Variants in SOX8 observed in about 807,000 individuals in gnomAD.
SOX8 encodes the protein transcription factor SOX-8.
SOX8 carries 9 observed loss-of-function variants against 22.9 expected under a neutral mutation model. The ratio of observed to expected loss-of-function variants is 0.39; its 90% CI spans 0.24 to 0.69. The LOEUF (loss-of-function observed/expected upper bound fraction) is 0.69, where lower values mean the gene tolerates loss of function less well. SOX8 is among the 30% of genes least tolerant of loss of function. The pLI, the probability that SOX8 is intolerant of heterozygous loss-of-function variation, is 0.43. For missense variants in SOX8, 734 were observed against 699.4 expected, an observed-to-expected ratio of 1.05 and a Z score of -0.56; for synonymous variants, 416 against 330.6, an observed-to-expected ratio of 1.26 and a Z score of -2.80.
intron 1 of SOX8, chr16:983,433 G>A (rs1048019294): frequency 1.8e-5 from 5 of 274,452 alleles, no homozygotes; most frequent in Non-Finnish European, 2.7e-5. Context: ...GCCCCAGAGG[G>A]AGGGAACAGC....
chr16:982,409 C>CG (rs2073403904), intron 1 of SOX8, 65 bp downstream of exon 1: 4 of 1,283,826 alleles, frequency 3.1e-6, no homozygotes, highest in Middle Eastern at 3.0e-4. Context: ...GGACTGCGAG[C>CG]GGGGGCCTGG....
intron 1 of SOX8, 165 bp downstream of exon 1, chr16:982,509 C>T (rs2073406261): frequency 1.4e-6 from 1 of 735,034 alleles, no homozygotes; most frequent in African/African-American, 1.8e-5. Context: ...AGTGGAAAAA[C>T]ATCCTCTGGC....
chr16:985,492 C>G lies in SOX8; in HGVS notation c.*106C>G. 1.1e-6 allele frequency: 1 copy of G among 930,748 alleles called. No homozygotes were observed. The highest frequency in any genetic ancestry group is 1.9e-5 in the South Asian group (1 of 53,658). 57.7% of individuals were successfully genotyped at this position (930,748 alleles called of 1,614,324 possible). On this transcript the variant is annotated 3_prime_UTR_variant, in exon 3 of 3. Transcript: ENST00000293894. Reference sequence around the variant, plus strand: ...GGCCCCAGTGGCTGAGCTCCAAGTGCCTGCTGAAGTCTGCAGGGAAACACG... The same window carrying G: ...GGCCCCAGTGGCTGAGCTCCAAGTGGCTGCTGAAGTCTGCAGGGAAACACG...
chr16:985,734 G>C lies in SOX8; in HGVS notation c.*348G>C. The C allele has an allele frequency of 4.0e-6, 1 of 252,336 alleles. No individual in the cohort carries two copies. The highest frequency in any genetic ancestry group is 7.5e-6 in the Non-Finnish European group (1 of 133,274). 15.6% of individuals were successfully genotyped at this position (252,336 alleles called of 1,614,324 possible). Reference sequence around the variant, plus strand: ...CAGCACAGCCCAAGGACCAAAGGAGGGGGTGGCAGGGGCCTTGCAGGGCGC... The same window carrying C: ...CAGCACAGCCCAAGGACCAAAGGAGCGGGTGGCAGGGGCCTTGCAGGGCGC... On this transcript the variant is annotated 3_prime_UTR_variant, in exon 3 of 3. Coordinates refer to ENST00000293894, the MANE Select transcript of SOX8 (RefSeq NM_014587.5).
Position 985,185 on chromosome 16 carries a change from G to A in SOX8, c.1140G>A (p.Gln380=). The change falls in exon 3 of 3, where the codon CAG becomes CAA. Residue 380 remains glutamine, a synonymous_variant. Coordinates refer to ENST00000293894, the MANE Select transcript of SOX8 (RefSeq NM_014587.5). ...CCGCCGGCCCCTTCGCCGGCTCACA[G>A]GGCGACTATGGCGACCTGCAGGCCT... ...AAPAGPFAGS[Q]GDYGDLQASS... is the part of the protein sequence containing the mutation. 6.2e-7 allele frequency: 1 copy of A among 1,611,114 alleles called. No homozygotes were observed. The highest frequency in any genetic ancestry group is 1.7e-4 in the Middle Eastern group (1 of 6,056).
chr16:986,426 A>G lies in SOX8; in HGVS notation c.*1040A>G, dbSNP rs2151523254. The G allele has an allele frequency of 6.6e-6, 1 of 152,368 alleles. No individual in the cohort carries two copies. Among genetic ancestry groups the G allele is most frequent in the Non-Finnish European group, 1.5e-5 (1 of 68,048 alleles). The allele number at this position is 152,368 out of a possible 1,614,324, so 9.4% of individuals were successfully genotyped here. On this transcript the variant is annotated 3_prime_UTR_variant, in exon 3 of 3. Coordinates refer to ENST00000293894, the MANE Select transcript of SOX8 (RefSeq NM_014587.5). ...GACTGTGCCACGTGGTAGGACACAT[A>G]GGACACAGGAATTCCTGGGTCCTTG...
Position 982,374 on chromosome 16 carries a change from CG to C in SOX8, c.422+33del, listed in dbSNP as rs1270319272. The C allele has an allele frequency of 1.4e-5, 19 of 1,319,560 alleles. No individual in the cohort carries two copies. In the East Asian group the frequency reaches 5.5e-4, roughly 38 times the overall value. 81.7% of individuals were successfully genotyped at this position (1,319,560 alleles called of 1,614,324 possible). On this transcript the variant is annotated intron_variant, in intron 1 of 2. Transcript: ENST00000293894. ...GTGCCGGCGCCCCGGGGGCGGGGTTCGGGACCTTGGCCGCCCCTGGTCTCGG... is the reference window on the plus strand; with the variant it reads ...GTGCCGGCGCCCCGGGGGCGGGGTTCGGACCTTGGCCGCCCCTGGTCTCGG...
chr16:982,094 G>A lies in SOX8; in HGVS notation c.172G>A (p.Glu58Lys). 7.6e-7 allele frequency: 1 copy of A among 1,317,308 alleles called. No homozygotes were observed. The highest frequency in any genetic ancestry group is 2.8e-4 in the Middle Eastern group (1 of 3,558). The allele number at this position is 1,317,308 out of a possible 1,614,324, so 81.6% of individuals were successfully genotyped here. ...AVGGARGDPA[E>K]AADERFPACI... Reference sequence around the variant, plus strand: ...GGGGGGCGCCCGGGGCGACCCGGCGGAGGCGGCGGACGAGCGCTTCCCGGC... The same window carrying A: ...GGGGGGCGCCCGGGGCGACCCGGCGAAGGCGGCGGACGAGCGCTTCCCGGC... The change falls in exon 1 of 3, where the codon GAG (glutamate) becomes AAG (lysine). Residue 58 changes from glutamate to lysine, a missense_variant. This residue lies in a region of SOX8 where 139 missense variants were observed against 109.1 expected (regional missense o/e 1.27). Coordinates refer to ENST00000293894, the MANE Select transcript of SOX8 (RefSeq NM_014587.5).
rs199719055 is a variant in SOX8, at chr16:985,120, G to A, written c.1075G>A (p.Gly359Ser). 1,102 of 1,598,498 alleles carry A rather than the reference G, an allele frequency of 6.9e-4. No individual in the cohort carries two copies. The highest frequency in any genetic ancestry group is 7.9e-4 in the Non-Finnish European group (930 of 1,175,836). The change falls in exon 3 of 3, where the codon GGT (glycine) becomes AGT (serine). Residue 359 changes from glycine to serine, a missense_variant. This residue lies in a region of SOX8 where 588 missense variants were observed against 568.2 expected (regional missense o/e 1.03). Transcript: ENST00000293894. ...CCAGCCCCGAGGCTCGCCCGACTAC[G>A]GTTCCTGCAGCGGCCAGTCCAGCGC... ...GDQPRGSPDY[G>S]SCSGQSSATP...
chr16:983,213 G>A (rs1234958046), intron 1 of SOX8: 1 of 152,612 alleles, frequency 6.6e-6, no homozygotes, highest in Non-Finnish European at 1.5e-5. Context: ...CCGCACAGGC[G>A]GTTGGAGGTG....
Position 985,245 on chromosome 16 carries a change from C to A in SOX8, c.1200C>A (p.Pro400=), listed in dbSNP as rs112081163. 6.2e-7 allele frequency: 1 copy of A among 1,612,022 alleles called. No individual in the cohort carries two copies. The highest frequency in any genetic ancestry group is 1.3e-5 in the African/African-American group (1 of 74,920). ...SYYGAYPGYA[P]GLYQYPCFHS... is the part of the protein sequence containing the mutation. Reference sequence around the variant, plus strand: ...ATGGTGCCTACCCTGGCTACGCACCCGGCCTCTACCAGTACCCCTGCTTCC... The same window carrying A: ...ATGGTGCCTACCCTGGCTACGCACCAGGCCTCTACCAGTACCCCTGCTTCC... Residue 400 remains proline (P), a synonymous_variant, in exon 3 of 3, where the codon CCC becomes CCA. Transcript: ENST00000293894.
chr16:982,327 G>C lies in SOX8; in HGVS notation c.405G>C (p.Thr135=), dbSNP rs757951853. The C allele has an allele frequency of 7.2e-7, 1 of 1,396,204 alleles. No homozygotes were observed. Among genetic ancestry groups the C allele is most frequent in the Admixed American group, 2.8e-5 (1 of 35,382 alleles). The allele number at this position is 1,396,204 out of a possible 1,614,324, so 86.5% of individuals were successfully genotyped here. A position where few individuals can be genotyped will look rare whatever the true frequency, so the allele number is the denominator to read the frequency against. ...TGCACAACGCCGAGCTCAGCAAGAC[G>C]CTGGGCAAGCTGTGGCGGTGAGTGC... is the stretch of plus-strand genomic sequence containing the variant. ...PHLHNAELSK[T]LGKLWRLLSE... is the part of the protein sequence containing the mutation. The change falls in exon 1 of 3, where the codon ACG becomes ACC. Residue 135 remains threonine, a synonymous_variant. Transcript: ENST00000293894.
chr16:983,646 T>A (rs774286877), intron 1 of SOX8, 82 bp from the exon 2 acceptor site: 22 of 1,342,982 alleles, frequency 1.6e-5, no homozygotes, highest in Admixed American at 2.2e-5. Flanking sequence ...CGGCCTCTGC[T>A]GCCGGTTCCC....
chr16:984,789 A>ACGC lies in SOX8; in HGVS notation c.747_749dup (p.Arg250dup). 6.5e-7 allele frequency: 1 copy of ACGC among 1,543,172 alleles called. No individual in the cohort carries two copies. Among genetic ancestry groups the ACGC allele is most frequent in the Non-Finnish European group, 8.8e-7 (1 of 1,140,292 alleles). On this transcript the variant is annotated inframe_insertion, in exon 3 of 3. Coordinates refer to ENST00000293894, the MANE Select transcript of SOX8 (RefSeq NM_014587.5). ...CCAAGCCGGAGCTGAAGCTGGAGGGACGCCGGCCGGTGGACAGCGGGCGCC... is the reference window on the plus strand; with the variant it reads ...CCAAGCCGGAGCTGAAGCTGGAGGGACGCCGCCGGCCGGTGGACAGCGGGCGCC...
chr16:983,692 C>T (rs775447276), intron 1 of SOX8, 36 bp from the exon 2 acceptor site: 3 of 1,581,372 alleles, frequency 1.9e-6, no homozygotes, highest in South Asian at 2.3e-5. Flanking sequence ...GCACAGTGGG[C>T]GCCCTGGCCA....
At chr16:982,948 G>C (rs996321407) in intron 1 of SOX8, 5 of 152,442 alleles carry the variant, frequency 3.3e-5, no homozygotes, top group African/African-American at 1.2e-4. Flanking sequence ...TGGCGTGGTG[G>C]GGCCGGTCAG....
chr16:981,849 A>T lies in SOX8; in HGVS notation c.-74A>T, dbSNP rs2073389106. The T allele has an allele frequency of 1.1e-6, 1 of 948,406 alleles. No homozygotes were observed. The highest frequency in any genetic ancestry group is 5.4e-5 in the Admixed American group (1 of 18,576). 58.7% of individuals were successfully genotyped at this position (948,406 alleles called of 1,614,324 possible). ...ACCGCGCGGCGACCTCGGGTCCCGG[A>T]GCGACCGCAGGGCAGCCCCGGGCGC... On this transcript the variant is annotated 5_prime_UTR_variant, in exon 1 of 3. Coordinates refer to ENST00000293894, the MANE Select transcript of SOX8 (RefSeq NM_014587.5).
rs1474279190 is a variant in SOX8 at position 986,868 on chromosome 16, C to T, written c.*1482C>T. 3 of 152,402 alleles carry T rather than the reference C, an allele frequency of 2.0e-5. No individual in the cohort carries two copies. Among genetic ancestry groups the T allele is most frequent in the Non-Finnish European group, 2.9e-5 (2 of 68,038 alleles). The allele number at this position is 152,402 out of a possible 1,614,324, so 9.4% of individuals were successfully genotyped here. ...TCATGCAGCGTCTCCCTTGGCACCG[C>T]GTTCGGAGGACGCACCCTCACTCCC... is the stretch of plus-strand genomic sequence containing the variant. On this transcript the variant is annotated 3_prime_UTR_variant, in exon 3 of 3. Coordinates refer to ENST00000293894, the MANE Select transcript of SOX8 (RefSeq NM_014587.5).
chr16:982,012 G>A lies in SOX8; in HGVS notation c.90G>A (p.Ser30=). 1 of 1,410,474 alleles carries A rather than the reference G, an allele frequency of 7.1e-7. No individual in the cohort carries two copies. The highest frequency in any genetic ancestry group is 9.2e-7 in the Non-Finnish European group (1 of 1,081,552). The allele number at this position is 1,410,474 out of a possible 1,614,324, so 87.4% of individuals were successfully genotyped here. The change falls in exon 1 of 3, where the codon TCG becomes TCA. Residue 30 remains serine, a synonymous_variant. Coordinates refer to ENST00000293894, the MANE Select transcript of SOX8 (RefSeq NM_014587.5). ...TGTCGCACGTGGAGGACTCGGACTC[G>A]GACGCGCCGCCGTCTCCCGCCGGCT... ...SSMSHVEDSD[S]DAPPSPAGSE... is the part of the protein sequence containing the mutation.
Sources: gnomAD v4.1 joint callset for allele counts on GRCh38, gnomAD v4.1.1 for gene constraint, gnomAD v4.1.1 regional missense constraint, MANE v1.5 for transcripts, NCBI Gene and HGNC (gene_info 2026-07-23, HGNC 2026-07-21) for gene names.